Variants in CLASP2 observed in about 807,000 individuals in gnomAD.
CLASP2 encodes CLIP-associating protein 2.
Under a neutral mutation model 194.4 loss-of-function variants are expected in CLASP2, and 47 were observed. That is an observed-to-expected ratio of 0.24 (90% CI 0.19 to 0.31). The LOEUF (loss-of-function observed/expected upper bound fraction) is 0.31, where lower values mean the gene tolerates loss of function less well. Ranked by LOEUF, CLASP2 falls within the 10% of genes least tolerant of loss-of-function variation. The pLI is 1.00. For synonymous variants in CLASP2, 619 were observed against 633.5 expected (o/e 0.98, Z 0.34); for missense variants, 1,445 against 1,823.6 (o/e 0.79, Z 3.78).
At chr3:33,612,214 G>C in intron 12 of CLASP2, 143 bp from the exon 13 acceptor site, 2 of 604,214 alleles carry the variant, frequency 3.3e-6, no homozygotes, top group Non-Finnish European at 5.8e-6. Context: ...ATTAAGACCA[G>C]TCTTGAAAAG....
At chr3:33,545,910 A>G (rs912917785) in intron 30 of CLASP2, among the ~76,000 whole-genome samples, 3 of 123,742 alleles carry the variant, frequency 2.4e-5, no homozygotes, top group East Asian at 2.0e-4. Flanking sequence ...ACTTAAAAGG[A>G]AAAAAAAAAA....
intron 1 of CLASP2, 106 bp downstream of exon 1, chr3:33,717,702 T>C: frequency 8.0e-7 from 1 of 1,244,668 alleles, no homozygotes; most frequent in Non-Finnish European, 1.1e-6. Context: ...GTTTCCCCTC[T>C]TAAGCAGTGG....
chr3:33,515,546 A>G (rs2051066237), intron 36 of CLASP2, among the ~76,000 whole-genome samples: 1 of 152,174 alleles, frequency 6.6e-6, no homozygotes, highest in Admixed American at 6.5e-5. Flanking sequence ...GCTACTCGGG[A>G]AGCTGAGGTG....
chr3:33,533,697 C>A (rs1037264992), intron 34 of CLASP2, among the ~76,000 whole-genome samples: 1 of 152,098 alleles, frequency 6.6e-6, no homozygotes, highest in Non-Finnish European at 1.5e-5. Flanking sequence ...CTAGAAATCT[C>A]TTAAAAGTGA....
intron 18 of CLASP2, among the ~76,000 whole-genome samples, chr3:33,597,725 G>A (rs1226261948): frequency 6.6e-6 from 1 of 150,448 alleles, no homozygotes; most frequent in African/African-American, 2.4e-5. Context: ...CTGTGAACAT[G>A]TTGCATTGCT....
At chr3:33,515,994 A>T in intron 36 of CLASP2, 29 bp downstream of exon 36, 1 of 1,585,852 alleles carries the variant, frequency 6.3e-7, no homozygotes, top group East Asian at 2.2e-5. Context: ...AAAATAATGG[A>T]ATAATACTTT....
intron 11 of CLASP2, among the ~76,000 whole-genome samples, chr3:33,621,316 T>TA (rs2077071768): frequency 6.6e-6 from 1 of 152,198 alleles, no homozygotes; most frequent in Non-Finnish European, 1.5e-5. Context: ...AGTCATGTTT[T>TA]AAGTGTATTT....
intron 12 of CLASP2, among the ~76,000 whole-genome samples, chr3:33,617,598 A>G (rs552940529): frequency 6.6e-6 from 1 of 152,276 alleles, no homozygotes; most frequent in South Asian, 2.1e-4. Context: ...ATTCTGATAT[A>G]TAACAAAAGA....
chr3:33,533,559 A>C (rs560435276), intron 34 of CLASP2, among the ~76,000 whole-genome samples: 1 of 152,296 alleles, frequency 6.6e-6, no homozygotes, highest in Non-Finnish European at 1.5e-5. Context: ...CAATCAGAAA[A>C]ATTTTTAAAC....
intron 21 of CLASP2, among the ~76,000 whole-genome samples, chr3:33,590,729 G>A (rs1198146260): frequency 6.6e-6 from 1 of 152,156 alleles, no homozygotes; most frequent in Non-Finnish European, 1.5e-5. Context: ...GATCTGGTGG[G>A]TAAGACTTGC....
chr3:33,500,582 G>C (rs373999579), intron 38 of CLASP2, among the ~76,000 whole-genome samples: 5 of 151,890 alleles, frequency 3.3e-5, no homozygotes, highest in Non-Finnish European at 5.9e-5. Flanking sequence ...TTAAAACTTT[G>C]TCTCTCATGG....
At chr3:33,499,618 G>A (rs2046381502) in intron 38 of CLASP2, among the ~76,000 whole-genome samples, 2 of 151,206 alleles carry the variant, frequency 1.3e-5, no homozygotes, top group African/African-American at 2.4e-5. Flanking sequence ...CAAAGTGCTG[G>A]GATTACAGTT....
intron 7 of CLASP2, among the ~76,000 whole-genome samples, chr3:33,660,448 C>T (rs1203709327): frequency 6.6e-6 from 1 of 152,190 alleles, no homozygotes; most frequent in Non-Finnish European, 1.5e-5. Flanking sequence ...AATGACTGTT[C>T]AGATGACAAC....
At chr3:33,541,365 G>A (rs1004344797) in intron 32 of CLASP2, among the ~76,000 whole-genome samples, 1 of 152,124 alleles carries the variant, frequency 6.6e-6, no homozygotes, top group Non-Finnish European at 1.5e-5. Context: ...TGTTCAGGAT[G>A]TGCAGACTTG....
rs958474341 is a variant in CLASP2, at chr3:33,528,305, C to G, written c.3787+6928G>C. 5.9e-5 allele frequency among the ~76,000 whole-genome samples: 9 copies of G among 152,206 alleles called. 1 individual carries two copies. Among genetic ancestry groups the G allele is most frequent in the South Asian group, 2.1e-4 (1 of 4,810 alleles). ...GGAACATATCTCAAAATAATAAGAGCCATATATGACAAACCCACAGCAGCC... is the reference window on the plus strand; with the variant it reads ...GGAACATATCTCAAAATAATAAGAGGCATATATGACAAACCCACAGCAGCC... On this transcript the variant is annotated intron_variant, in intron 34 of 38. Coordinates refer to ENST00000682230, the MANE Select transcript of CLASP2 (RefSeq NM_001365631.1).
At chr3:33,576,055 A>T in intron 24 of CLASP2, 114 bp downstream of exon 24, 2 of 714,600 alleles carry the variant, frequency 2.8e-6, no homozygotes, top group Non-Finnish European at 4.7e-6. Flanking sequence ...TTTTATCTTT[A>T]GATTTAATCA....
At chr3:33,717,679 C>CTTCCCAAAGTGTGT (rs1207938633) in intron 1 of CLASP2, 129 bp downstream of exon 1, 15 of 996,458 alleles carry the variant, frequency 1.5e-5, no homozygotes, top group Non-Finnish European at 2.1e-5. Context: ...CCCGCCTGTG[C>CTTCCCAAAGTGTGT]TTCCCAAAGT....
In CLASP2 at chr3:33,559,361, C is replaced by T. The variant is rs768965029; in HGVS notation, c.2955G>A (p.Gln985=). 1.4e-5 allele frequency: 23 copies of T among 1,595,740 alleles called. No individual in the cohort carries two copies. The highest frequency in any genetic ancestry group is 1.8e-5 in the Non-Finnish European group (21 of 1,169,364). The stretch of plus-strand genomic sequence containing the variant: ...CTGTAAATCTCATTAGAATATTGAA[C>T]TGAAGATCATTTGGAAAAGACTCTC... ...VTRESFPNDL[Q]FNILMRFTVD... The change falls in exon 29 of 39, where the codon CAG becomes CAA. Residue 985 remains glutamine, a synonymous_variant. Coordinates refer to ENST00000682230, the MANE Select transcript of CLASP2 (RefSeq NM_001365631.1).
chr3:33,608,182 A>G (rs1174615276), intron 14 of CLASP2, among the ~76,000 whole-genome samples: 2 of 152,198 alleles, frequency 1.3e-5, no homozygotes, highest in Admixed American at 6.5e-5. Context: ...CTCCCAACAA[A>G]TATCTCTTCT....
Sources: gnomAD v4.1 joint callset for allele counts (sites outside exome capture counted in the v4.1 genomes callset) on GRCh38, gnomAD v4.1.1 for gene constraint, MANE v1.5 for transcripts, NCBI Gene and HGNC (gene_info 2026-07-23, HGNC 2026-07-21) for gene names.